Variants in TTBK2 observed in about 807,000 individuals in gnomAD.
TTBK2 encodes tau tubulin kinase 2.
In TTBK2, 28 loss-of-function variants were observed where a neutral mutation model predicts 110.8. The ratio of observed to expected loss-of-function variants is 0.25; its 90% CI spans 0.19 to 0.35. The LOEUF is 0.35. TTBK2 is among the 10% of genes least tolerant of loss of function. TTBK2 has a pLI of 1.00. For missense variants in TTBK2, 1,369 were observed against 1,500.3 expected (o/e 0.91, Z 1.45); for synonymous variants, 532 against 527.3 (o/e 1.01, Z -0.12).
intron 1 of TTBK2, among the ~76,000 whole-genome samples, chr15:42,905,566 CT>C (rs1230764670): frequency 2.6e-5 from 4 of 152,044 alleles, no homozygotes; most frequent in Non-Finnish European, 5.9e-5. Flanking sequence ...CAGGAAATAT[CT>C]TTTAAATTGT....
chr15:42,781,037 C>T (rs1223204787), intron 11 of TTBK2, among the ~76,000 whole-genome samples: 1 of 151,892 alleles, frequency 6.6e-6, no homozygotes, highest in Non-Finnish European at 1.5e-5. Context: ...AACATAAAGA[C>T]GTAAGATTGT....
Position 42,775,216 on chromosome 15 carries a change from G to C in TTBK2, c.1917C>G (p.Leu639=), listed in dbSNP as rs1889851420. ...ASEQYTDRLE[L]QPGAASQFIA... ...TAAACTGACTAGCAGCTCCAGGCTG[G>C]AGTTCCAGCCTATCTGTATATTGTT... Residue 639 remains leucine (L), a synonymous_variant, in exon 13 of 15, where the codon CTC becomes CTG. Coordinates refer to ENST00000267890, the MANE Select transcript of TTBK2 (RefSeq NM_173500.4). 3 of 1,614,098 alleles carry C rather than the reference G, an allele frequency of 1.9e-6. No individual in the cohort carries two copies. Among genetic ancestry groups the C allele is most frequent in the Non-Finnish European group, 1.7e-6 (2 of 1,180,050 alleles).
rs987854004 is a variant in TTBK2 at position 42,740,561 on chromosome 15, T to G, written c.*5234A>C. On this transcript the variant is annotated 3_prime_UTR_variant, in exon 15 of 15. Transcript: ENST00000267890. Reference sequence around the variant, plus strand: ...CTTTATTTTTGTTTTACTTTTTTTTTTTTTTTTTTTTGAGACGGAGTCTCA... The same window carrying G: ...CTTTATTTTTGTTTTACTTTTTTTTGTTTTTTTTTTTGAGACGGAGTCTCA... 6.7e-6 allele frequency: 1 copy of G among 149,570 alleles called. No individual in the cohort carries two copies. Among genetic ancestry groups the G allele is most frequent in the East Asian group, 1.9e-4 (1 of 5,156 alleles). The allele number at this position is 149,570 out of a possible 1,614,324, so 9.3% of individuals were successfully genotyped here. A position where few individuals can be genotyped will look rare whatever the true frequency, so the allele number is the denominator to read the frequency against.
intron 1 of TTBK2, among the ~76,000 whole-genome samples, chr15:42,891,943 C>T (rs1895473753): frequency 6.6e-6 from 1 of 152,140 alleles, no homozygotes; most frequent in Non-Finnish European, 1.5e-5. Flanking sequence ...AATTATAGGA[C>T]ACCCAGATGA....
At chr15:42,800,786 T>C (rs1891153835) in intron 9 of TTBK2, among the ~76,000 whole-genome samples, 1 of 151,036 alleles carries the variant, frequency 6.6e-6, no homozygotes, top group Admixed American at 6.6e-5. Flanking sequence ...GCAATTGAAT[T>C]GTTTCATAGC....
rs1889962182 is a variant in TTBK2, at chr15:42,777,155, C to G, written c.1285G>C (p.Glu429Gln). 2.5e-6 allele frequency: 4 copies of G among 1,614,184 alleles called. No homozygotes were observed. Among genetic ancestry groups the G allele is most frequent in the Non-Finnish European group, 3.4e-6 (4 of 1,180,040 alleles). ...SLGSPIRVRS[E>Q]ITQPDRDIPL... Reference sequence around the variant, plus strand: ...ATATCTCTGTCTGGCTGAGTAATCTCTGAGCGGACACGAATTGGTGACCCA... The same window carrying G: ...ATATCTCTGTCTGGCTGAGTAATCTGTGAGCGGACACGAATTGGTGACCCA... The change falls in exon 12 of 15, where the codon GAG (glutamate) becomes CAG (glutamine). Residue 429 changes from glutamate (E) to glutamine (Q), a missense_variant. Coordinates refer to ENST00000267890, the MANE Select transcript of TTBK2 (RefSeq NM_173500.4).
intron 4 of TTBK2, among the ~76,000 whole-genome samples, chr15:42,833,135 A>C (rs945378003): frequency 6.6e-6 from 1 of 151,540 alleles, no homozygotes; most frequent in Non-Finnish European, 1.5e-5. Context: ...ATTACATACA[A>C]AAAAAAACCC....
At chr15:42,882,610 T>C (rs1895091258) in intron 1 of TTBK2, among the ~76,000 whole-genome samples, 1 of 151,976 alleles carries the variant, frequency 6.6e-6, no homozygotes, top group South Asian at 2.1e-4. Context: ...TGAGACTTCA[T>C]CTCAAAATAA....
In TTBK2 at chr15:42,743,536, C is replaced by T. The variant is rs547938821; in HGVS notation, c.*2259G>A. ...TATGACAATTTCTTCATTATTCCCC[C>T]GACCCCCTGCAAAAAAAGTGAGATG... On this transcript the variant is annotated 3_prime_UTR_variant, in exon 15 of 15. Coordinates refer to ENST00000267890, the MANE Select transcript of TTBK2 (RefSeq NM_173500.4). 7 of 152,034 alleles carry T rather than the reference C, an allele frequency of 4.6e-5. No homozygotes were observed. The highest frequency in any genetic ancestry group is 1.2e-4 in the African/African-American group (5 of 41,386). The allele number at this position is 152,034 out of a possible 1,614,324, so 9.4% of individuals were successfully genotyped here.
At chr15:42,834,109 T>C (rs1211087487) in intron 4 of TTBK2, among the ~76,000 whole-genome samples, 2 of 148,462 alleles carry the variant, frequency 1.3e-5, no homozygotes, top group African/African-American at 5.1e-5. Flanking sequence ...AGAGGATCAC[T>C]TGACCCCAGG....
chr15:42,805,772 C>T (rs1241423901), intron 9 of TTBK2, among the ~76,000 whole-genome samples: 3 of 152,148 alleles, frequency 2.0e-5, no homozygotes, highest in African/African-American at 7.2e-5. Flanking sequence ...TAGATCACTT[C>T]CAGGCCTGCT....
chr15:42,742,537 G>A lies in TTBK2; in HGVS notation c.*3258C>T, dbSNP rs1379519267. The A allele has an allele frequency of 6.6e-6, 1 of 152,174 alleles. No individual in the cohort carries two copies. Among genetic ancestry groups the A allele is most frequent in the Non-Finnish European group, 1.5e-5 (1 of 68,026 alleles). The allele number at this position is 152,174 out of a possible 1,614,324, so 9.4% of individuals were successfully genotyped here. The stretch of plus-strand genomic sequence containing the variant: ...ACCAATCCATAGACCCTGAGGATTT[G>A]GCAGCAGAATTCAGGAGAAATGCTA... On this transcript the variant is annotated 3_prime_UTR_variant, in exon 15 of 15. Coordinates refer to ENST00000267890, the MANE Select transcript of TTBK2 (RefSeq NM_173500.4).
rs190531305 is a variant in TTBK2, at chr15:42,865,422, G to A, written c.217+7189C>T. 3.0e-4 allele frequency among the ~76,000 whole-genome samples: 45 copies of A among 151,024 alleles called. No homozygotes were observed. The Middle Eastern group carries it at 0.01, about 34-fold the overall frequency. ...TGCAGTGAGCCGAGACTGCGTCACT[G>A]GCACTCCAGCCTGGGCGACAGAGTG... is the stretch of plus-strand genomic sequence containing the variant. On this transcript the variant is annotated intron_variant, in intron 3 of 14. Coordinates refer to ENST00000267890, the MANE Select transcript of TTBK2 (RefSeq NM_173500.4).
At chr15:42,842,151 C>T (rs553567161) in intron 3 of TTBK2, among the ~76,000 whole-genome samples, 2 of 152,254 alleles carry the variant, frequency 1.3e-5, no homozygotes, top group Admixed American at 1.3e-4. Context: ...CCACCTCAGC[C>T]TCCCAAAGTG....
intron 2 of TTBK2, among the ~76,000 whole-genome samples, chr15:42,874,273 T>C (rs960523700): frequency 6.6e-6 from 1 of 152,194 alleles, no homozygotes; most frequent in African/African-American, 2.4e-5. Flanking sequence ...TATTTATTAC[T>C]TTGCACATGT....
chr15:42,765,662 G>T (rs529331759), intron 13 of TTBK2, among the ~76,000 whole-genome samples: 1 of 152,182 alleles, frequency 6.6e-6, no homozygotes. Flanking sequence ...TGAAAGTGAT[G>T]GGGAGAATGG....
intron 13 of TTBK2, among the ~76,000 whole-genome samples, chr15:42,756,397 C>T (rs1453278389): frequency 1.3e-5 from 2 of 151,818 alleles, no homozygotes; most frequent in Non-Finnish European, 2.9e-5. Context: ...ACCAGCCTGG[C>T]CAACATGGTG....
chr15:42,911,854 T>A (rs1254185767), intron 1 of TTBK2, among the ~76,000 whole-genome samples: 3 of 152,160 alleles, frequency 2.0e-5, no homozygotes, highest in African/African-American at 7.2e-5. Flanking sequence ...ATAAGATTAA[T>A]CTACATCAGG....
chr15:42,918,253 G>C (rs1396813117), intron 1 of TTBK2, among the ~76,000 whole-genome samples: 1 of 152,004 alleles, frequency 6.6e-6, no homozygotes, highest in African/African-American at 2.4e-5. Flanking sequence ...TTTTTGTAGA[G>C]ACAGGATCTC....
Sources: gnomAD v4.1 joint callset for allele counts (sites outside exome capture counted in the v4.1 genomes callset) on GRCh38, gnomAD v4.1.1 for gene constraint, MANE v1.5 for transcripts, NCBI Gene and HGNC (gene_info 2026-07-23, HGNC 2026-07-21) for gene names.